PDE12: variants seen among roughly 807,000 people sequenced by gnomAD.
PDE12 encodes 2',5'-phosphodiesterase 12.
A neutral mutation model predicts 45.4 loss-of-function variants in PDE12; 26 were observed. The ratio of observed to expected loss-of-function variants is 0.57; its 90% CI spans 0.42 to 0.79. PDE12 has a LOEUF of 0.79. PDE12 is among the 30% of genes least tolerant of loss of function. The probability of loss-of-function intolerance (pLI) is 0.00; values close to 1 mark genes in which losing one functional copy is unlikely to be tolerated. For missense variants in PDE12, 668 were observed against 790.0 expected (o/e 0.85, Z 1.85); for synonymous variants, 283 against 323.9 (o/e 0.87, Z 1.36).
chr3:57,654,783 T>C, the PDE12 span: 1 of 985,250 alleles, frequency 1.0e-6, no homozygotes, highest in Non-Finnish European at 1.2e-6. Flanking sequence ...CAAATTCAAA[T>C]GCCTTTCTAG....
the PDE12 span, among the ~76,000 whole-genome samples, chr3:57,601,581 C>T: frequency 6.6e-6 from 1 of 152,102 alleles, no homozygotes; most frequent in African/African-American, 2.4e-5. Flanking sequence ...AGAATGGCAA[C>T]TGTAAGGGCC....
the PDE12 span, among the ~76,000 whole-genome samples, chr3:57,650,305 T>TAA: frequency 7.2e-6 from 1 of 139,192 alleles, no homozygotes; most frequent in Non-Finnish European, 1.6e-5. Context: ...ACAAAAAACC[T>TAA]AAAAAAAAAA....
the PDE12 span, chr3:57,641,869 A>G: frequency 1.5e-6 from 1 of 687,858 alleles, no homozygotes; most frequent in Non-Finnish European, 2.3e-6. Context: ...CCTTTATTCA[A>G]CACATTACAT....
the PDE12 span, chr3:57,645,798 T>G: frequency 6.9e-7 from 1 of 1,440,476 alleles, no homozygotes. Flanking sequence ...GACACAGAAA[T>G]TAAAGGTCCT....
chr3:57,654,449 C>T, the PDE12 span, among the ~76,000 whole-genome samples: 4 of 152,218 alleles, frequency 2.6e-5, no homozygotes, highest in East Asian at 1.9e-4. Flanking sequence ...TCAGCCAATG[C>T]GGTAGAAAGC....
the PDE12 span, among the ~76,000 whole-genome samples, chr3:57,651,134 C>T: frequency 1.3e-5 from 2 of 152,162 alleles, no homozygotes; most frequent in Non-Finnish European, 2.9e-5. Context: ...TACAGACAGT[C>T]CCCATGTTAC....
chr3:57,614,940 C>T, the PDE12 span, among the ~76,000 whole-genome samples: 1 of 151,252 alleles, frequency 6.6e-6, no homozygotes, highest in African/African-American at 2.4e-5. Flanking sequence ...TTGGAGTGAG[C>T]CGAGATCGTG....
At chr3:57,637,246 C>T in the PDE12 span, among the ~76,000 whole-genome samples, 2 of 152,178 alleles carry the variant, frequency 1.3e-5, no homozygotes, top group African/African-American at 4.8e-5. Context: ...TTACTGCCAT[C>T]ATTCATTCTG....
the PDE12 span, among the ~76,000 whole-genome samples, chr3:57,651,327 A>T: frequency 2.6e-5 from 4 of 152,320 alleles, no homozygotes; most frequent in South Asian, 6.2e-4. Context: ...TAACCCCCTT[A>T]TAAGTCTAGG....
the PDE12 span, chr3:57,600,117 C>G: frequency 2.0e-5 from 3 of 152,102 alleles, no homozygotes; most frequent in African/African-American, 7.2e-5. Context: ...TACTCAACCT[C>G]CTGGGATCAA....
chr3:57,570,373 A>AC (rs1345032787), downstream of PDE12, among the ~76,000 whole-genome samples: 11 of 116,118 alleles, frequency 9.5e-5, no homozygotes, highest in African/African-American at 2.1e-4. Flanking sequence ...AGCACACCAG[A>AC]CCCTTTTTTT....
At chr3:57,590,167 A>G in the PDE12 span, among the ~76,000 whole-genome samples, 1 of 151,450 alleles carries the variant, frequency 6.6e-6, no homozygotes, top group Non-Finnish European at 1.5e-5. Context: ...TCTATAAAAA[A>G]CCTACAGCTA....
chr3:57,592,026 TACACTTTAA>T, the PDE12 span, among the ~76,000 whole-genome samples: 1 of 152,206 alleles, frequency 6.6e-6, no homozygotes, highest in African/African-American at 2.4e-5. Context: ...CACGGAACTG[TACACTTTAA>T]CAGGGTAAAC....
chr3:57,601,571 A>G, the PDE12 span, among the ~76,000 whole-genome samples: 1 of 152,152 alleles, frequency 6.6e-6, no homozygotes, highest in Non-Finnish European at 1.5e-5. Flanking sequence ...CTGCAGATGC[A>G]GAATGGCAAC....
In PDE12 at chr3:57,566,454, T is replaced by C. The variant is rs1168298061; in HGVS notation, c.*6450T>C. 6.6e-6 allele frequency: 1 copy of C among 152,178 alleles called. No individual in the cohort carries two copies. The highest frequency in any genetic ancestry group is 2.4e-5 in the African/African-American group (1 of 41,436). The allele number at this position is 152,178 out of a possible 1,614,324, so 9.4% of individuals were successfully genotyped here. A position where few individuals can be genotyped will look rare whatever the true frequency, so the allele number is the denominator to read the frequency against. On this transcript the variant is annotated 3_prime_UTR_variant, in exon 3 of 3. Coordinates refer to ENST00000311180, the MANE Select transcript of PDE12 (RefSeq NM_177966.7). ...CTGCCATAAACATTTGTGATAAGTTTTTGAGTGAATATGTGTTTTTGTTTC... is the reference window on the plus strand; with the variant it reads ...CTGCCATAAACATTTGTGATAAGTTCTTGAGTGAATATGTGTTTTTGTTTC...
At chr3:57,628,468 T>C in the PDE12 span, 3 of 1,330,184 alleles carry the variant, frequency 2.3e-6, no homozygotes, top group Non-Finnish European at 3.0e-6. Flanking sequence ...AGACCAGAAA[T>C]TACAGAAACT....
chr3:57,614,282 A>T, the PDE12 span, among the ~76,000 whole-genome samples: 1 of 152,212 alleles, frequency 6.6e-6, no homozygotes, highest in East Asian at 1.9e-4. Flanking sequence ...CAAATCTTAA[A>T]TCGGAAAGGA....
At chr3:57,636,711 TG>T in the PDE12 span, among the ~76,000 whole-genome samples, 1 of 151,556 alleles carries the variant, frequency 6.6e-6, no homozygotes, top group Non-Finnish European at 1.5e-5. Context: ...CTGAGGCGGG[TG>T]GATCACCTGA....
the PDE12 span, among the ~76,000 whole-genome samples, chr3:57,612,230 A>G: frequency 9.6e-4 from 104 of 108,610 alleles, no homozygotes; most frequent in African/African-American, 3.1e-3. Flanking sequence ...ATCACACACC[A>G]GGGCCTGTTG....
Sources: gnomAD v4.1 joint callset for allele counts (sites outside exome capture counted in the v4.1 genomes callset) on GRCh38, gnomAD v4.1.1 for gene constraint, MANE v1.5 for transcripts, NCBI Gene and HGNC (gene_info 2026-07-23, HGNC 2026-07-21) for gene names.